ADAMTS12: variants seen among roughly 807,000 people sequenced by gnomAD.
ADAMTS12 encodes the protein A disintegrin and metalloproteinase with thrombospondin motifs 12.
Under a neutral mutation model 167.8 loss-of-function variants are expected in ADAMTS12, and 118 were observed. The ratio of observed to expected loss-of-function variants is 0.70; its 90% CI spans 0.61 to 0.82. The LOEUF (loss-of-function observed/expected upper bound fraction) is 0.82. Ranked by LOEUF, ADAMTS12 falls within the 40% of genes least tolerant of loss-of-function variation. The pLI, the probability that ADAMTS12 is intolerant of heterozygous loss-of-function variation, is 0.00. For synonymous variants in ADAMTS12, 704 were observed against 716.9 expected (o/e 0.98, Z 0.29); for missense variants, 1,916 against 1,998.8 (o/e 0.96, Z 0.79).
Position 33,881,308 on chromosome 5 carries a change from C to G in ADAMTS12, c.300G>C (p.Lys100Asn). The change falls in exon 2 of 24, where the codon AAG becomes AAC. Residue 100 changes from lysine to asparagine, a missense_variant. Coordinates refer to ENST00000504830, the MANE Select transcript of ADAMTS12 (RefSeq NM_030955.4). ...WVYYRISHEEKDLFFNLTVNQ... is the reference protein window; with the variant it reads ...WVYYRISHEENDLFFNLTVNQ... ...TGACCGTCAAGTTAAAAAACAGGTC[C>G]TTCTCCTCGTGAGAAATTCTGTAGT... 1 of 1,614,170 alleles carries G rather than the reference C, an allele frequency of 6.2e-7. No individual in the cohort carries two copies. The highest frequency in any genetic ancestry group is 8.5e-7 in the Non-Finnish European group (1 of 1,180,028).
intron 3 of ADAMTS12, among the ~76,000 whole-genome samples, chr5:33,692,914 A>T (rs1474818006): frequency 6.6e-6 from 1 of 152,228 alleles, no homozygotes; most frequent in African/African-American, 2.4e-5. Flanking sequence ...AGAGAACTGA[A>T]GGTACCAAGG....
chr5:33,852,866 GCAAA>G (rs1474826791), intron 2 of ADAMTS12, among the ~76,000 whole-genome samples: 1 of 152,200 alleles, frequency 6.6e-6, no homozygotes, highest in East Asian at 1.9e-4. Flanking sequence ...CAATAAAAAG[GCAAA>G]CAGACAGGAT....
At chr5:33,577,484 T>A (rs1358248477) in intron 18 of ADAMTS12, among the ~76,000 whole-genome samples, 1 of 152,232 alleles carries the variant, frequency 6.6e-6, no homozygotes, top group Admixed American at 6.5e-5. Flanking sequence ...AGTTGCTAAA[T>A]CTTTTAAAGA....
chr5:33,649,614 T>A lies in ADAMTS12; in HGVS notation c.1274A>T (p.Tyr425Phe). 1.2e-6 allele frequency: 2 copies of A among 1,614,080 alleles called. No homozygotes were observed. The highest frequency in any genetic ancestry group is 1.7e-6 in the Non-Finnish European group (2 of 1,179,942). The change falls in exon 8 of 24, where the codon TAC becomes TTC. Residue 425 changes from tyrosine (Y) to phenylalanine (F), a missense_variant. Coordinates refer to ENST00000504830, the MANE Select transcript of ADAMTS12 (RefSeq NM_030955.4). ...GGACCATGTCAGCGGAGTGGGATCG[T>A]ACTGGAGCTGGCGGGACATGATGTA... is the stretch of plus-strand genomic sequence containing the variant. ...HPYIMSRQLQ[Y>F]DPTPLTWSKC...
At chr5:33,836,101 G>C (rs1305381621) in intron 2 of ADAMTS12, among the ~76,000 whole-genome samples, 3 of 152,156 alleles carry the variant, frequency 2.0e-5, no homozygotes, top group African/African-American at 7.2e-5. Context: ...AGCAGGTTAA[G>C]TTATCACAAA....
intron 9 of ADAMTS12, among the ~76,000 whole-genome samples, chr5:33,646,351 G>C (rs10057508): frequency 0.14 from 21,933 of 152,064 alleles, 1,923 homozygotes; most frequent in Non-Finnish European, 0.2. Flanking sequence ...TTAGGTCTTC[G>C]ATTTATTAGT....
chr5:33,782,669 G>T (rs2112444041), intron 2 of ADAMTS12, among the ~76,000 whole-genome samples: 1 of 151,932 alleles, frequency 6.6e-6, no homozygotes, highest in South Asian at 2.1e-4. Flanking sequence ...ATATTTTAAG[G>T]TAAGAAATAT....
chr5:33,875,566 T>C lies in ADAMTS12; in HGVS notation c.489+5553A>G, dbSNP rs189949308. Among the ~76,000 whole-genome samples, 380 of 152,318 alleles carry C rather than the reference T, an allele frequency of 2.5e-3. 1 individual carries two copies. The highest frequency in any genetic ancestry group is 8.7e-3 in the African/African-American group (361 of 41,572). Reference sequence around the variant, plus strand: ...AATAGGCTAAAGAAGAAAAGTCACATGACCATATCAACTGATGCAGGAAAA... The same window carrying C: ...AATAGGCTAAAGAAGAAAAGTCACACGACCATATCAACTGATGCAGGAAAA... On this transcript the variant is annotated intron_variant, in intron 2 of 23. Transcript: ENST00000504830.
chr5:33,569,024 C>A (rs543045375), intron 19 of ADAMTS12, among the ~76,000 whole-genome samples: 1 of 152,208 alleles, frequency 6.6e-6, no homozygotes, highest in Non-Finnish European at 1.5e-5. Context: ...AACTGCAAGG[C>A]GGCAGCAAGG....
intron 2 of ADAMTS12, among the ~76,000 whole-genome samples, chr5:33,780,220 C>T (rs1746076245): frequency 6.6e-6 from 1 of 152,098 alleles, no homozygotes; most frequent in African/African-American, 2.4e-5. Context: ...AACAATTAAG[C>T]ATTATTTCTA....
intron 2 of ADAMTS12, among the ~76,000 whole-genome samples, chr5:33,757,508 T>C (rs1449840367): frequency 6.6e-6 from 1 of 152,196 alleles, no homozygotes; most frequent in Non-Finnish European, 1.5e-5. Flanking sequence ...CTGAGAGCCC[T>C]GAAATATCAA....
At chr5:33,591,131 T>C (rs1747618975) in intron 17 of ADAMTS12, among the ~76,000 whole-genome samples, 1 of 151,950 alleles carries the variant, frequency 6.6e-6, no homozygotes, top group African/African-American at 2.4e-5. Flanking sequence ...TTTGAGATCT[T>C]TGAAGAGCCT....
At chr5:33,712,337 C>T (rs12522957) in intron 3 of ADAMTS12, among the ~76,000 whole-genome samples, 92,772 of 151,966 alleles carry the variant, frequency 0.61, 29,501 homozygotes, top group Non-Finnish European at 0.69. Flanking sequence ...AAGCACATAC[C>T]ACCCTCAAGA....
intron 2 of ADAMTS12, among the ~76,000 whole-genome samples, chr5:33,863,552 C>T (rs1450937623): frequency 2.0e-5 from 3 of 151,538 alleles, no homozygotes; most frequent in Admixed American, 2.0e-4. Context: ...AGGACACAAA[C>T]AATAACACAA....
intron 19 of ADAMTS12, among the ~76,000 whole-genome samples, chr5:33,575,549 T>C (rs1476806529): frequency 6.6e-6 from 1 of 152,216 alleles, no homozygotes; most frequent in African/African-American, 2.4e-5. Flanking sequence ...TCCTTCCCTA[T>C]ATATAAATTT....
chr5:33,708,934 TTAAAG>T (rs1208528964), intron 3 of ADAMTS12, among the ~76,000 whole-genome samples: 2 of 151,486 alleles, frequency 1.3e-5, no homozygotes, highest in Non-Finnish European at 2.9e-5. Context: ...ATCCCAGAAC[TTAAAG>T]TATACTAAAA....
intron 2 of ADAMTS12, among the ~76,000 whole-genome samples, chr5:33,850,739 T>C (rs756558480): frequency 2.0e-5 from 3 of 151,770 alleles, no homozygotes; most frequent in African/African-American, 7.3e-5. Context: ...AAAGAGAGAG[T>C]TTTTTCCCAT....
chr5:33,619,239 C>A (rs1257134480), intron 14 of ADAMTS12, among the ~76,000 whole-genome samples: 1 of 152,192 alleles, frequency 6.6e-6, no homozygotes, highest in Non-Finnish European at 1.5e-5. Flanking sequence ...AAAAGACTGG[C>A]AGCTTGTGTT....
chr5:33,853,993 G>A (rs1009607354), intron 2 of ADAMTS12, among the ~76,000 whole-genome samples: 1 of 152,182 alleles, frequency 6.6e-6, no homozygotes, highest in Non-Finnish European at 1.5e-5. Flanking sequence ...AGTCGAGCTA[G>A]GACTTGAGCT....
Sources: gnomAD v4.1 joint callset for allele counts (sites outside exome capture counted in the v4.1 genomes callset) on GRCh38, gnomAD v4.1.1 for gene constraint, MANE v1.5 for transcripts, NCBI Gene and HGNC (gene_info 2026-07-23, HGNC 2026-07-21) for gene names.